Variants in KCNK3 observed in about 807,000 individuals in gnomAD.
KCNK3 encodes the protein potassium channel subfamily K member 3.
A neutral mutation model predicts 27.3 loss-of-function variants in KCNK3; 9 were observed. That is an observed-to-expected ratio of 0.33 (90% CI 0.20 to 0.57). The LOEUF is 0.57. Ranked by LOEUF, KCNK3 falls within the 20% of genes least tolerant of loss-of-function variation. The probability of loss-of-function intolerance (pLI) is 0.87; values close to 1 mark genes in which losing one functional copy is unlikely to be tolerated. For synonymous variants in KCNK3, 278 were observed against 273.8 expected (o/e 1.02, Z -0.15); for missense variants, 391 against 577.7 (o/e 0.68, Z 3.31).
intron 1 of KCNK3, among the ~76,000 whole-genome samples, chr2:26,694,286 T>C (rs1379238064): frequency 6.6e-6 from 1 of 152,170 alleles, no homozygotes; most frequent in African/African-American, 2.4e-5. Flanking sequence ...CCAAAGCCCA[T>C]TGAGATGCCT....
rs1476181689 is a variant in KCNK3 at position 26,728,742 on chromosome 2, C to A, written c.*174C>A. The A allele has an allele frequency of 9.2e-6, 5 of 544,882 alleles. No homozygotes were observed. The Admixed American group carries it at 1.2e-4, about 13-fold the overall frequency. The allele number at this position is 544,882 out of a possible 1,614,324, so 33.8% of individuals were successfully genotyped here. A position where few individuals can be genotyped will look rare whatever the true frequency, so the allele number is the denominator to read the frequency against. ...CTGCTTGCACCAGCCGGCAGGAGGC[C>A]GGGCTCTGAGGACCCCTGGGGCCCC... is the stretch of plus-strand genomic sequence containing the variant. On this transcript the variant is annotated 3_prime_UTR_variant, in exon 2 of 2. Transcript: ENST00000302909.
At chr2:26,726,519 T>C (rs997613035) in intron 1 of KCNK3, among the ~76,000 whole-genome samples, 5 of 152,212 alleles carry the variant, frequency 3.3e-5, no homozygotes, top group African/African-American at 9.7e-5. Flanking sequence ...ATCATAATTA[T>C]GTTAATAAAA....
At chr2:26,713,172 T>G (rs1437057429) in intron 1 of KCNK3, among the ~76,000 whole-genome samples, 2 of 152,158 alleles carry the variant, frequency 1.3e-5, no homozygotes, top group East Asian at 3.9e-4. Context: ...GAAGATGCCA[T>G]TCTCCGGGGA....
At position 26,728,367 on chromosome 2, in the gene KCNK3, C is replaced by A; in HGVS notation, c.984C>A (p.Ile328=). The change falls in exon 2 of 2, where the codon ATC becomes ATA. Residue 328 remains isoleucine (I), a synonymous_variant. Transcript: ENST00000302909. ...REKLQYSIPM[I]IPRDLSTSDT... ...AGCTGCAGTACTCCATCCCCATGAT[C>A]ATCCCGCGGGACCTCTCCACGTCCG... 1 of 1,607,880 alleles carries A rather than the reference C, an allele frequency of 6.2e-7. No individual in the cohort carries two copies. Among genetic ancestry groups the A allele is most frequent in the Non-Finnish European group, 8.5e-7 (1 of 1,177,578 alleles).
intron 1 of KCNK3, among the ~76,000 whole-genome samples, chr2:26,722,295 A>T (rs188143224): frequency 1.6e-4 from 25 of 152,368 alleles, no homozygotes; most frequent in African/African-American, 5.3e-4. Flanking sequence ...CAGAAAAATA[A>T]CTTGAGTAAA....
chr2:26,719,862 A>G (rs941540518), intron 1 of KCNK3, among the ~76,000 whole-genome samples: 4 of 152,210 alleles, frequency 2.6e-5, no homozygotes, highest in African/African-American at 9.6e-5. Context: ...ATAGGGCAGT[A>G]AAAGATGACA....
chr2:26,714,638 T>C (rs1293696455), intron 1 of KCNK3, among the ~76,000 whole-genome samples: 2 of 150,958 alleles, frequency 1.3e-5, no homozygotes, highest in South Asian at 2.1e-4. Context: ...GTAATCCCAG[T>C]ACTTTGGGAG....
rs933085751 is a variant in KCNK3 at position 26,731,969 on chromosome 2, A to G, written c.*3401A>G. The G allele has an allele frequency of 6.6e-6, 1 of 152,242 alleles. No homozygotes were observed. The highest frequency in any genetic ancestry group is 1.5e-5 in the Non-Finnish European group (1 of 68,050). The allele number at this position is 152,242 out of a possible 1,614,324, so 9.4% of individuals were successfully genotyped here. On this transcript the variant is annotated 3_prime_UTR_variant, in exon 2 of 2. Transcript: ENST00000302909. Reference sequence around the variant, plus strand: ...GAGAATGGATTCCTTCTCCTGCAGTAGGGGCCCCCTGGCTGAGTGGCCTGA... The same window carrying G: ...GAGAATGGATTCCTTCTCCTGCAGTGGGGGCCCCCTGGCTGAGTGGCCTGA...
At position 26,721,257 on chromosome 2, in the gene KCNK3, C is replaced by T. The variant is rs1014011941; in HGVS notation, c.284-6410C>T. 6.6e-6 allele frequency among the ~76,000 whole-genome samples: 1 copy of T among 152,016 alleles called. No individual in the cohort carries two copies. The highest frequency in any genetic ancestry group is 1.5e-5 in the Non-Finnish European group (1 of 67,984). On this transcript the variant is annotated intron_variant, in intron 1 of 1. Coordinates refer to ENST00000302909, the MANE Select transcript of KCNK3 (RefSeq NM_002246.3). The surrounding 1 kb of genome is among the most constrained non-coding windows in gnomAD (Gnocchi z 4.3). ...ATACAGGGTGGGGGCCTGAGAGGGGCAGAGGGAGGAGAGGCCTCTTCAGTG... is the reference window on the plus strand; with the variant it reads ...ATACAGGGTGGGGGCCTGAGAGGGGTAGAGGGAGGAGAGGCCTCTTCAGTG...
intron 1 of KCNK3, among the ~76,000 whole-genome samples, chr2:26,704,983 TG>T (rs924801055): frequency 3.3e-5 from 5 of 152,040 alleles, no homozygotes; most frequent in African/African-American, 1.2e-4. Context: ...CTTTTTTTTT[TG>T]GAGGCAGGGT....
At chr2:26,694,722 G>A (rs777429820) in intron 1 of KCNK3, among the ~76,000 whole-genome samples, 2 of 152,142 alleles carry the variant, frequency 1.3e-5, no homozygotes, top group South Asian at 2.1e-4. Flanking sequence ...TTGGTCTGCA[G>A]TCTCTTCCAC....
At chr2:26,705,681 T>C (rs1035026202) in intron 1 of KCNK3, among the ~76,000 whole-genome samples, 12 of 152,120 alleles carry the variant, frequency 7.9e-5, no homozygotes, top group Admixed American at 5.2e-4. Context: ...AAAGGCAGCA[T>C]TGGGGGCAGG....
intron 1 of KCNK3, among the ~76,000 whole-genome samples, chr2:26,726,751 G>C (rs1005774958): frequency 1.9e-4 from 28 of 144,914 alleles, no homozygotes; most frequent in African/African-American, 7.0e-4. Flanking sequence ...GGGAACATTT[G>C]CCTCTGCCCT....
Position 26,693,456 on chromosome 2 carries a change from C to T in KCNK3, c.283+298C>T, listed in dbSNP as rs1403423180. ...AGTGTGTGAGAGGGGCAGGGACGAC[C>T]GGCGGAGGCTCGGGCAGGAGGGGTG... On this transcript the variant is annotated intron_variant, in intron 1 of 1. Coordinates refer to ENST00000302909, the MANE Select transcript of KCNK3 (RefSeq NM_002246.3). This position sits in a 1 kb window ranked among gnomAD's most constrained non-coding sequence, Gnocchi z 5.5. Among the ~76,000 whole-genome samples the T allele has an allele frequency of 1.3e-5, 2 of 152,150 alleles. No individual in the cohort carries two copies. Among genetic ancestry groups the T allele is most frequent in the East Asian group, 1.9e-4 (1 of 5,188 alleles).
intron 1 of KCNK3, among the ~76,000 whole-genome samples, chr2:26,715,348 G>T (rs1731246): frequency 0.75 from 113,744 of 152,178 alleles, 42,720 homozygotes; most frequent in South Asian, 0.78. Context: ...TTATTACTAC[G>T]GCTGCTTTTG....
intron 1 of KCNK3, among the ~76,000 whole-genome samples, chr2:26,716,827 G>A (rs546809962): frequency 6.6e-6 from 1 of 152,318 alleles, no homozygotes; most frequent in South Asian, 2.1e-4. Context: ...GAAAAATTGA[G>A]ATAAGAAAAC....
Position 26,693,231 on chromosome 2 carries a change from T to C in KCNK3, c.283+73T>C. On this transcript the variant is annotated intron_variant, in intron 1 of 1. Transcript: ENST00000302909. This position sits in a 1 kb window ranked among gnomAD's most constrained non-coding sequence, Gnocchi z 5.5. The stretch of plus-strand genomic sequence containing the variant: ...GCTCCGGGAGTCGTCCGGGGCCGGC[T>C]GGGGCTGGGGGCGGGGGCTCCCCCG... The C allele has an allele frequency of 1.1e-5, 2 of 190,264 alleles. No individual in the cohort carries two copies. Among genetic ancestry groups the C allele is most frequent in the Non-Finnish European group, 8.7e-6 (1 of 115,054 alleles). The allele number at this position is 190,264 out of a possible 1,614,324, so 11.8% of individuals were successfully genotyped here.
chr2:26,717,563 C>T (rs779786295), intron 1 of KCNK3, among the ~76,000 whole-genome samples: 1 of 152,260 alleles, frequency 6.6e-6, no homozygotes, highest in Non-Finnish European at 1.5e-5. Context: ...CAATGCCAGG[C>T]TGTTCCTGGT....
rs554656622 is a variant in KCNK3, at chr2:26,714,570, C to A, written c.284-13097C>A. ...CGCCTGCCTGTCCTCCCCAGGCCAT[C>A]ATTTTCCAGAACAACCTTAAGAGGA... On this transcript the variant is annotated intron_variant, in intron 1 of 1. Transcript: ENST00000302909. 3.3e-5 allele frequency among the ~76,000 whole-genome samples: 5 copies of A among 150,668 alleles called. No individual in the cohort carries two copies. In the East Asian group the frequency reaches 1.0e-3, roughly 31 times the overall value.
Sources: gnomAD v4.1 joint callset for allele counts (sites outside exome capture counted in the v4.1 genomes callset) on GRCh38, gnomAD v4.1.1 for gene constraint, Gnocchi (gnomAD v3.1) non-coding constraint, MANE v1.5 for transcripts, NCBI Gene and HGNC (gene_info 2026-07-23, HGNC 2026-07-21) for gene names.